Variants in VSTM2A observed in about 807,000 individuals in gnomAD.
VSTM2A encodes V-set and transmembrane domain containing 2A, also known as V-set and transmembrane domain-containing protein 2A.
VSTM2A carries 13 observed loss-of-function variants against 27.3 expected under a neutral mutation model. The observed-to-expected ratio is 0.48, with a 90% CI of 0.31 to 0.76. The LOEUF (loss-of-function observed/expected upper bound fraction) is 0.76. VSTM2A is among the 30% of genes least tolerant of loss of function. The pLI is 0.05. For synonymous variants in VSTM2A, 142 were observed against 125.7 expected (o/e 1.13, Z -0.87); for missense variants, 280 against 310.0 (o/e 0.90, Z 0.73).
chr7:54,564,396 G>A (rs992810087), intron 4 of VSTM2A, among the ~76,000 whole-genome samples: 3 of 152,124 alleles, frequency 2.0e-5, no homozygotes, highest in East Asian at 1.9e-4. Flanking sequence ...CAGGAATCAC[G>A]CCTAATGCTG....
intron 4 of VSTM2A, among the ~76,000 whole-genome samples, chr7:54,562,597 A>G (rs566862129): frequency 1.6e-4 from 25 of 152,300 alleles, no homozygotes; most frequent in Non-Finnish European, 3.4e-4. Context: ...TTAGTAGTCA[A>G]TAATACTAGC....
chr7:54,553,989 A>G (rs1401689159), intron 4 of VSTM2A: 1 of 1,553,096 alleles, frequency 6.4e-7, no homozygotes, highest in African/African-American at 1.4e-5. Flanking sequence ...GTCACACAGA[A>G]CTGTGAAGCG....
chr7:54,569,139 A>T lies in VSTM2A; in HGVS notation c.643A>T (p.Lys215Ter). The part of the protein sequence containing the change: ...PKQSPQSAKS[K>*]SPVKSTERTA... ...ACTTTCTCTTCTTAAAGCAAAGAGCAAATCGCCTGTAAAATCTACGGAGCG... is the reference window on the plus strand; with the variant it reads ...ACTTTCTCTTCTTAAAGCAAAGAGCTAATCGCCTGTAAAATCTACGGAGCG... Residue 215 changes from lysine to a stop codon, truncating the protein, a stop_gained, in exon 5 of 5, where the codon AAA (lysine) becomes TAA (stop). Transcript: ENST00000402613. LOFTEE classifies it high-confidence loss of function. 6.4e-7 allele frequency: 1 copy of T among 1,561,564 alleles called. No individual in the cohort carries two copies. The highest frequency in any genetic ancestry group is 1.2e-5 in the South Asian group (1 of 84,914).
intron 4 of VSTM2A, 70 bp from the exon 5 acceptor site, chr7:54,569,061 C>T (rs768703406): frequency 2.5e-6 from 4 of 1,606,816 alleles, no homozygotes; most frequent in Non-Finnish European, 3.4e-6. Context: ...TTGTTTGTGG[C>T]TTTGTGAAGG....
At chr7:54,565,453 G>A (rs890586936) in intron 4 of VSTM2A, among the ~76,000 whole-genome samples, 2 of 152,226 alleles carry the variant, frequency 1.3e-5, no homozygotes, top group Admixed American at 1.3e-4. Flanking sequence ...CCAGCCTGAT[G>A]ACTGCAGATG....
chr7:54,566,600 T>C (rs1271008472), intron 4 of VSTM2A, among the ~76,000 whole-genome samples: 1 of 152,252 alleles, frequency 6.6e-6, no homozygotes, highest in Non-Finnish European at 1.5e-5. Flanking sequence ...ATTATCCTGC[T>C]TGGCCTCAGC....
At chr7:54,547,430 AT>A (rs1353130051) in intron 3 of VSTM2A, among the ~76,000 whole-genome samples, 3 of 152,222 alleles carry the variant, frequency 2.0e-5, no homozygotes, top group South Asian at 2.1e-4. Context: ...AAGCAACTAA[AT>A]TTTGAATGTC....
In VSTM2A at chr7:54,546,982, C is replaced by A; in HGVS notation, c.282C>A (p.Asp94Glu). 2 of 1,590,472 alleles carry A rather than the reference C, an allele frequency of 1.3e-6. No individual in the cohort carries two copies. The highest frequency in any genetic ancestry group is 1.7e-6 in the Non-Finnish European group (2 of 1,171,740). The part of the protein sequence containing the change: ...ELLPDRDPDS[D>E]GTKISTVKVQ... ...TGCCCGACAGAGACCCGGACAGCGACGGGACCAAGATCAGCGTGAGTGCGG... is the reference window on the plus strand; with the variant it reads ...TGCCCGACAGAGACCCGGACAGCGAAGGGACCAAGATCAGCGTGAGTGCGG... The change falls in exon 3 of 5, where the codon GAC becomes GAA. Residue 94 changes from aspartate to glutamate, a missense_variant. Asp to Glu is a conservative substitution (Grantham distance 45). Transcript: ENST00000402613.
At position 54,543,479 on chromosome 7, in the gene VSTM2A, G is replaced by A. The variant is rs114506041; in HGVS notation, c.79+670G>A. Among the ~76,000 whole-genome samples, 850 of 152,162 alleles carry A rather than the reference G, an allele frequency of 5.6e-3. 7 individuals carry two copies. The highest frequency in any genetic ancestry group is 0.019 in the African/African-American group (793 of 41,510). On this transcript the variant is annotated intron_variant, in intron 1 of 4. Coordinates refer to ENST00000402613, the MANE Select transcript of VSTM2A (RefSeq NM_001301009.2). The stretch of plus-strand genomic sequence containing the variant: ...AGCTAGAATAGAAAAGCCCTTTTCC[G>A]ATCAGAATGTCTCCTTAATAGCTTC...
intron 4 of VSTM2A, among the ~76,000 whole-genome samples, chr7:54,564,415 T>A (rs1439598943): frequency 6.6e-6 from 1 of 152,202 alleles, no homozygotes; most frequent in Non-Finnish European, 1.5e-5. Flanking sequence ...TGCAGAACGA[T>A]GCCCTGAAAA....
chr7:54,566,631 TAAAAC>T (rs1788732365), intron 4 of VSTM2A, among the ~76,000 whole-genome samples: 1 of 152,076 alleles, frequency 6.6e-6, no homozygotes, highest in Non-Finnish European at 1.5e-5. Flanking sequence ...AGAAACCAAA[TAAAAC>T]AAAATAGGCA....
At chr7:54,550,241 A>G in intron 4 of VSTM2A, 71 bp downstream of exon 4, 1 of 1,542,562 alleles carries the variant, frequency 6.5e-7, no homozygotes, top group Non-Finnish European at 8.7e-7. Flanking sequence ...AGTCGTATAG[A>G]GTAGACAGAT....
intron 3 of VSTM2A, among the ~76,000 whole-genome samples, chr7:54,548,046 T>C (rs1318993517): frequency 6.6e-6 from 1 of 152,216 alleles, no homozygotes; most frequent in Non-Finnish European, 1.5e-5. Flanking sequence ...CAGAAACTGT[T>C]GTTTTCCTAC....
In VSTM2A at chr7:54,569,360, G is replaced by A. The variant is rs1446262902; in HGVS notation, c.*141G>A. Reference sequence around the variant, plus strand: ...TGAAGTGATAGAACGTTTTCTAATAGCAAGATCTATTTTTTCCCTTTTCTT... The same window carrying A: ...TGAAGTGATAGAACGTTTTCTAATAACAAGATCTATTTTTTCCCTTTTCTT... On this transcript the variant is annotated 3_prime_UTR_variant, in exon 5 of 5. Transcript: ENST00000402613. The A allele has an allele frequency of 1.4e-6, 2 of 1,397,942 alleles. No individual in the cohort carries two copies. Among genetic ancestry groups the A allele is most frequent in the African/African-American group, 1.5e-5 (1 of 68,828 alleles). 86.6% of individuals were successfully genotyped at this position (1,397,942 alleles called of 1,614,324 possible).
At chr7:54,565,955 A>G (rs1788707404) in intron 4 of VSTM2A, among the ~76,000 whole-genome samples, 1 of 152,156 alleles carries the variant, frequency 6.6e-6, no homozygotes, top group African/African-American at 2.4e-5. Context: ...GAGGAAGAGA[A>G]AAGGATGAGA....
intron 4 of VSTM2A, among the ~76,000 whole-genome samples, chr7:54,566,582 G>T (rs1412596413): frequency 6.6e-6 from 1 of 152,122 alleles, no homozygotes; most frequent in African/African-American, 2.4e-5. Context: ...CTGTATTAAG[G>T]GGAAAACATT....
chr7:54,549,688 C>T (rs1788116989), intron 3 of VSTM2A, 146 bp from the exon 4 acceptor site: 5 of 712,786 alleles, frequency 7.0e-6, no homozygotes, highest in South Asian at 4.1e-5. Context: ...TCAGATGTGA[C>T]GTTAAGGAAA....
intron 4 of VSTM2A, chr7:54,551,920 C>T (rs1157926911): frequency 6.6e-6 from 1 of 152,136 alleles, no homozygotes; most frequent in Non-Finnish European, 1.5e-5. Context: ...GTGAAGAATT[C>T]CAAGGGTAGA....
intron 4 of VSTM2A, among the ~76,000 whole-genome samples, chr7:54,560,792 A>G (rs1788535214): frequency 6.6e-6 from 1 of 152,208 alleles, no homozygotes; most frequent in Non-Finnish European, 1.5e-5. Context: ...AATTAAGTTA[A>G]GCAATTTTAT....
Sources: gnomAD v4.1 joint callset for allele counts (sites outside exome capture counted in the v4.1 genomes callset) on GRCh38, gnomAD v4.1.1 for gene constraint, MANE v1.5 for transcripts, NCBI Gene and HGNC (gene_info 2026-07-23, HGNC 2026-07-21) for gene names.